The following RHOA variants were observed in gnomAD, a reference collection of about 807,000 sequenced individuals.
The protein encoded by RHOA is ras homolog family member A.
A neutral mutation model predicts 17.5 loss-of-function variants in RHOA; 3 were observed. The ratio of observed to expected loss-of-function variants is 0.17; its 90% CI spans 0.08 to 0.44. The LOEUF (loss-of-function observed/expected upper bound fraction) is 0.44, where lower values mean the gene tolerates loss of function less well. Ranked by LOEUF, RHOA falls within the 20% of genes least tolerant of loss-of-function variation. The probability of loss-of-function intolerance (pLI) is 0.99; values close to 1 mark genes in which losing one functional copy is unlikely to be tolerated. For synonymous variants in RHOA, 98 were observed against 88.4 expected (o/e 1.11, Z -0.61); for missense variants, 56 against 242.3 (o/e 0.23, Z 5.10).
chr3:49,372,052 A>G (rs972571996), intron 2 of RHOA, among the ~76,000 whole-genome samples: 1 of 152,218 alleles, frequency 6.6e-6, no homozygotes, highest in African/African-American at 2.4e-5. Context: ...GAAATAAGCT[A>G]TGAAAATGCC....
intron 1 of RHOA, among the ~76,000 whole-genome samples, chr3:49,392,810 T>C (rs2048531899): frequency 6.6e-6 from 1 of 152,204 alleles, no homozygotes; most frequent in African/African-American, 2.4e-5. Flanking sequence ...CCACAGCTGC[T>C]GGATTGGTCA....
chr3:49,396,057 T>G (rs1175438630), intron 1 of RHOA, among the ~76,000 whole-genome samples: 4 of 151,770 alleles, frequency 2.6e-5, no homozygotes, highest in African/African-American at 4.8e-5. Flanking sequence ...CAGAAATAAC[T>G]GAAATGCTCA....
intron 1 of RHOA, among the ~76,000 whole-genome samples, chr3:49,395,481 G>A (rs1054004364): frequency 6.6e-6 from 1 of 152,078 alleles, no homozygotes. Flanking sequence ...GAGACTGAGA[G>A]GGGTGCAGAT....
At chr3:49,390,125 C>T (rs1017535270) in intron 1 of RHOA, among the ~76,000 whole-genome samples, 6 of 151,722 alleles carry the variant, frequency 4.0e-5, no homozygotes, top group South Asian at 2.1e-4. Context: ...TTTGACAGTC[C>T]GTTGTCAGGA....
intron 1 of RHOA, among the ~76,000 whole-genome samples, chr3:49,398,188 C>T (rs1167072788): frequency 1.4e-5 from 2 of 145,950 alleles, no homozygotes; most frequent in Non-Finnish European, 1.5e-5. Flanking sequence ...CGGTGAAACC[C>T]CATCTCTACT....
intron 1 of RHOA, among the ~76,000 whole-genome samples, chr3:49,407,814 G>C (rs1455384163): frequency 6.6e-6 from 1 of 151,286 alleles, no homozygotes; most frequent in Admixed American, 6.6e-5. Context: ...TACTTCATTG[G>C]CTGTGTATGT....
intron 1 of RHOA, among the ~76,000 whole-genome samples, chr3:49,391,624 A>C (rs1575668329): frequency 6.6e-6 from 1 of 151,196 alleles, no homozygotes; most frequent in Non-Finnish European, 1.5e-5. Context: ...ACTCACTACA[A>C]CCTCCGCCTC....
intron 1 of RHOA, among the ~76,000 whole-genome samples, chr3:49,396,599 C>T (rs1038518122): frequency 1.3e-5 from 2 of 151,850 alleles, no homozygotes; most frequent in African/African-American, 2.4e-5. Flanking sequence ...CCCAGCTACT[C>T]GGGAGGCTGA....
At chr3:49,405,873 T>C (rs568226224) in intron 1 of RHOA, among the ~76,000 whole-genome samples, 2 of 152,230 alleles carry the variant, frequency 1.3e-5, no homozygotes, top group African/African-American at 4.8e-5. Context: ...TTAGTAGAGA[T>C]GGGGTTTCAC....
chr3:49,383,195 A>C (rs2048344577), intron 1 of RHOA, among the ~76,000 whole-genome samples: 1 of 152,018 alleles, frequency 6.6e-6, no homozygotes, highest in Non-Finnish European at 1.5e-5. Context: ...GCACTTTGGG[A>C]GGCCGAGGCG....
intron 1 of RHOA, among the ~76,000 whole-genome samples, chr3:49,393,676 C>CTGTG (rs71080504): frequency 0.026 from 263 of 10,308 alleles, 7 homozygotes; most frequent in African/African-American, 0.06. Flanking sequence ...AATTCTCTCT[C>CTGTG]TGTGTGTGTG....
In RHOA at chr3:49,411,667, G is replaced by C. The variant is rs1302008190; in HGVS notation, c.-3+153C>G. On this transcript the variant is annotated intron_variant, in intron 1 of 4. Coordinates refer to ENST00000418115, the MANE Select transcript of RHOA (RefSeq NM_001664.4). The stretch of plus-strand genomic sequence containing the variant: ...CCGCTTGGGGCGCGGGGCCCGGGCT[G>C]GGAGTCAGGTCAAGGGTCAGGGGCC... Among the ~76,000 whole-genome samples the C allele has an allele frequency of 4.6e-5, 7 of 151,888 alleles. No individual in the cohort carries two copies. In the East Asian group the frequency reaches 1.4e-3, roughly 29 times the overall value.
Position 49,360,149 on chromosome 3 carries a change from T to A in RHOA, c.*60A>T. 6.7e-7 allele frequency: 1 copy of A among 1,500,238 alleles called. No individual in the cohort carries two copies. Among genetic ancestry groups the A allele is most frequent in the Non-Finnish European group, 9.0e-7 (1 of 1,106,520 alleles). The allele number at this position is 1,500,238 out of a possible 1,614,324, so 92.9% of individuals were successfully genotyped here. On this transcript the variant is annotated 3_prime_UTR_variant, in exon 5 of 5. Coordinates refer to ENST00000418115, the MANE Select transcript of RHOA (RefSeq NM_001664.4). Reference sequence around the variant, plus strand: ...ATGAAAAAGGCCAGTAATCATACACTAAGATTAATAAACAGCACTTCAAAA... The same window carrying A: ...ATGAAAAAGGCCAGTAATCATACACAAAGATTAATAAACAGCACTTCAAAA...
intron 3 of RHOA, among the ~76,000 whole-genome samples, chr3:49,366,323 C>G (rs568997159): frequency 6.6e-6 from 1 of 152,312 alleles, no homozygotes; most frequent in Admixed American, 6.5e-5. Context: ...CAAAACTAGG[C>G]TGGGTGTGGT....
chr3:49,409,813 G>A (rs1056495871), intron 1 of RHOA, among the ~76,000 whole-genome samples: 6 of 152,072 alleles, frequency 3.9e-5, no homozygotes, highest in African/African-American at 1.4e-4. Flanking sequence ...ATGTGCACAG[G>A]GAATTGTTTA....
chr3:49,362,670 T>C (rs750192910), intron 3 of RHOA, 44 bp from the exon 4 acceptor site: 1 of 1,518,334 alleles, frequency 6.6e-7, no homozygotes, highest in South Asian at 1.3e-5. Flanking sequence ...TACAATTCTA[T>C]CTTGAAGACT....
At chr3:49,399,876 GAAAT>G (rs2048692860) in intron 1 of RHOA, among the ~76,000 whole-genome samples, 1 of 152,080 alleles carries the variant, frequency 6.6e-6, no homozygotes, top group African/African-American at 2.4e-5. Flanking sequence ...AAGGGGGTAA[GAAAT>G]AAAGCAATAC....
chr3:49,364,889 T>C (rs1417382749), intron 3 of RHOA, among the ~76,000 whole-genome samples: 4 of 151,722 alleles, frequency 2.6e-5, no homozygotes, highest in African/African-American at 9.7e-5. Context: ...GAAGAAGTGC[T>C]TGAACCCGGG....
intron 1 of RHOA, among the ~76,000 whole-genome samples, chr3:49,402,215 A>C (rs2048734057): frequency 6.6e-6 from 1 of 152,180 alleles, no homozygotes; most frequent in Admixed American, 6.6e-5. Flanking sequence ...CAGAATCAGG[A>C]TTTGACTTTG....
Sources: gnomAD v4.1 joint callset for allele counts (sites outside exome capture counted in the v4.1 genomes callset) on GRCh38, gnomAD v4.1.1 for gene constraint, MANE v1.5 for transcripts, NCBI Gene and HGNC (gene_info 2026-07-23, HGNC 2026-07-21) for gene names.